Variants in TTLL11 observed in about 807,000 individuals in gnomAD.
The protein encoded by TTLL11 is tubulin tyrosine ligase like 11.
TTLL11 carries 42 observed loss-of-function variants against 51.7 expected under a neutral mutation model. The observed-to-expected ratio is 0.81, with a 90% CI of 0.64 to 1.05. The LOEUF is 1.05. Among genes scored for constraint, TTLL11 ranks in the 50% least tolerant of loss-of-function variants. The pLI, the probability that TTLL11 is intolerant of heterozygous loss-of-function variation, is 0.00. For missense variants in TTLL11, 799 were observed against 940.4 expected (o/e 0.85, Z 1.97); for synonymous variants, 381 against 383.5 (o/e 0.99, Z 0.08).
intron 8 of TTLL11, among the ~76,000 whole-genome samples, chr9:121,846,620 A>G (rs1024801263): frequency 3.3e-5 from 5 of 152,232 alleles, no homozygotes; most frequent in African/African-American, 1.2e-4. Flanking sequence ...CTAAAAATCA[A>G]TAACAGAAAG....
At chr9:122,032,653 A>C (rs1423725471) in intron 2 of TTLL11, among the ~76,000 whole-genome samples, 2 of 150,624 alleles carry the variant, frequency 1.3e-5, no homozygotes, top group Non-Finnish European at 1.5e-5. Flanking sequence ...GTCTCAAAAA[A>C]AAAAAAAAGG....
chr9:122,026,257 G>A (rs898297220), intron 3 of TTLL11, among the ~76,000 whole-genome samples: 3 of 151,914 alleles, frequency 2.0e-5, no homozygotes, highest in Non-Finnish European at 4.4e-5. Flanking sequence ...TGGCCAACAT[G>A]GTGAAACCCA....
rs1304800357 is a variant in TTLL11, at chr9:122,093,144, C to T, written c.5G>A (p.Arg2Gln). The change falls in exon 1 of 9, where the codon CGG (arginine) becomes CAG (glutamine). Residue 2 changes from arginine to glutamine, a missense_variant. By Grantham distance (43) the Arg-to-Gln change is conservative. Transcript: ENST00000321582. M[R>Q]RGSSESELAA... ...CAGCTCGCTCTCGGAGCTGCCCCGC[C>T]GCATGGTGCTCAGGGCCGGGGCCAG... is the stretch of plus-strand genomic sequence containing the variant. 70 of 1,492,314 alleles carry T rather than the reference C, an allele frequency of 4.7e-5. No individual in the cohort carries two copies. The highest frequency in any genetic ancestry group is 5.9e-5 in the Non-Finnish European group (66 of 1,127,930). 92.4% of individuals were successfully genotyped at this position (1,492,314 alleles called of 1,614,324 possible).
At chr9:122,073,801 A>G (rs1246601209) in intron 1 of TTLL11, among the ~76,000 whole-genome samples, 1 of 152,166 alleles carries the variant, frequency 6.6e-6, no homozygotes, top group African/African-American at 2.4e-5. Context: ...TCATTCACAC[A>G]AGCCTTTCTC....
intron 4 of TTLL11, among the ~76,000 whole-genome samples, chr9:121,976,969 G>C (rs1252737340): frequency 3.9e-5 from 6 of 152,232 alleles, no homozygotes; most frequent in Admixed American, 1.3e-4. Context: ...TGAGGCTACA[G>C]AGAGCAGCAG....
chr9:121,867,815 T>A (rs1049809027), intron 7 of TTLL11, among the ~76,000 whole-genome samples: 2 of 152,108 alleles, frequency 1.3e-5, no homozygotes, highest in Admixed American at 1.3e-4. Context: ...AACATTACAT[T>A]TGATGATGTG....
At chr9:121,864,803 G>C (rs1403257043) in intron 7 of TTLL11, among the ~76,000 whole-genome samples, 1 of 152,178 alleles carries the variant, frequency 6.6e-6, no homozygotes, top group African/African-American at 2.4e-5. Context: ...AGGAGTCCAA[G>C]TATAGAAATA....
At chr9:121,936,545 T>A (rs1240813741) in intron 6 of TTLL11, among the ~76,000 whole-genome samples, 4 of 152,164 alleles carry the variant, frequency 2.6e-5, no homozygotes, top group African/African-American at 9.7e-5. Context: ...CCAGCTCCAG[T>A]GTGTGCCTGT....
intron 6 of TTLL11, among the ~76,000 whole-genome samples, chr9:121,903,000 C>G (rs1358566760): frequency 6.6e-6 from 1 of 152,142 alleles, no homozygotes; most frequent in East Asian, 1.9e-4. Context: ...AGCCCAGCTG[C>G]TTGGGGGCTT....
chr9:121,850,577 G>A (rs1402878814), intron 8 of TTLL11, among the ~76,000 whole-genome samples: 2 of 152,152 alleles, frequency 1.3e-5, no homozygotes, highest in Non-Finnish European at 2.9e-5. Context: ...GCAAGAGAGA[G>A]AGAGAAAGAG....
intron 1 of TTLL11, among the ~76,000 whole-genome samples, chr9:122,044,749 C>A (rs1310580015): frequency 1.3e-5 from 2 of 152,186 alleles, no homozygotes; most frequent in African/African-American, 4.8e-5. Flanking sequence ...TATTTAACAT[C>A]ATTAATCATT....
At chr9:122,030,407 G>A (rs925582703) in intron 3 of TTLL11, among the ~76,000 whole-genome samples, 3 of 151,940 alleles carry the variant, frequency 2.0e-5, no homozygotes, top group Non-Finnish European at 4.4e-5. Context: ...TTTGTGTTTA[G>A]TAAATGATAA....
intron 8 of TTLL11, among the ~76,000 whole-genome samples, chr9:121,831,238 G>A (rs762474282): frequency 1.2e-4 from 18 of 152,210 alleles, no homozygotes; most frequent in Non-Finnish European, 7.3e-5. Flanking sequence ...GCAGGTTCCT[G>A]TTCCCTCACC....
chr9:121,829,086 G>A (rs1450638476), intron 8 of TTLL11, among the ~76,000 whole-genome samples: 1 of 151,846 alleles, frequency 6.6e-6, no homozygotes, highest in East Asian at 2.0e-4. Flanking sequence ...CCTAGTAGCT[G>A]GGATTACAGG....
At chr9:121,979,111 C>T (rs1842776638) in intron 4 of TTLL11, among the ~76,000 whole-genome samples, 1 of 152,202 alleles carries the variant, frequency 6.6e-6, no homozygotes, top group Admixed American at 6.5e-5. Flanking sequence ...TTCTCTCACT[C>T]TCTTGCTCAC....
At chr9:122,031,901 T>G (rs761748347) in intron 2 of TTLL11, 45 bp from the exon 3 acceptor site, 1 of 1,586,898 alleles carries the variant, frequency 6.3e-7, no homozygotes, top group South Asian at 1.1e-5. Flanking sequence ...AGTGGGCTAC[T>G]AGCTATAAAA....
intron 6 of TTLL11, among the ~76,000 whole-genome samples, chr9:121,953,842 A>G (rs1255719046): frequency 6.6e-6 from 1 of 152,160 alleles, no homozygotes; most frequent in Non-Finnish European, 1.5e-5. Flanking sequence ...TATAATTTGG[A>G]ACCCACCCAG....
intron 2 of TTLL11, among the ~76,000 whole-genome samples, chr9:122,032,147 C>T (rs1472751947): frequency 6.6e-6 from 1 of 152,098 alleles, no homozygotes; most frequent in African/African-American, 2.4e-5. Context: ...CTTTGTCACC[C>T]CCTTAGGTAA....
chr9:122,019,991 C>G (rs1013323898), intron 3 of TTLL11, among the ~76,000 whole-genome samples: 3 of 152,306 alleles, frequency 2.0e-5, no homozygotes, highest in Non-Finnish European at 4.4e-5. Flanking sequence ...GATTGTGAGG[C>G]ATCCCCAGCC....
Sources: allele counts gnomAD v4.1 joint callset (sites outside exome capture counted in the v4.1 genomes callset), GRCh38; gene constraint gnomAD v4.1.1; transcripts MANE v1.5; gene names NCBI Gene and HGNC (gene_info 2026-07-23, HGNC 2026-07-21).